PCDHGB2: variants seen among roughly 807,000 people sequenced by gnomAD.
PCDHGB2 encodes protocadherin gamma subfamily B, 2, also known as protocadherin gamma-B2.
PCDHGB2 carries 55 observed loss-of-function variants against 59.3 expected under a neutral mutation model. The observed-to-expected ratio is 0.93, with a 90% CI of 0.75 to 1.16. The LOEUF (loss-of-function observed/expected upper bound fraction) is 1.16. Ranked by LOEUF, PCDHGB2 falls within the 50% of genes most tolerant of loss-of-function variation. The pLI is 0.00. For missense variants in PCDHGB2, 1,228 were observed against 1,198.5 expected (o/e 1.02, Z -0.36); for synonymous variants, 516 against 512.0 (o/e 1.01, Z -0.11).
rs2099411033 is a variant in PCDHGB2, at chr5:141,477,423, C to T, written c.2422-17384C>T. ...ACCGCCCGAGACGCCGGAACCCCTT[C>T]CCTCTCAGCCCTTACAATAGTGCGT... On this transcript the variant is annotated intron_variant, in intron 1 of 3. Coordinates refer to ENST00000522605, the MANE Select transcript of PCDHGB2 (RefSeq NM_018923.3). This position sits in a 1 kb window ranked among gnomAD's most constrained non-coding sequence, Gnocchi z 4.9. 1.9e-6 allele frequency: 3 copies of T among 1,614,196 alleles called. No individual in the cohort carries two copies. The highest frequency in any genetic ancestry group is 2.2e-5 in the East Asian group (1 of 44,882).
chr5:141,375,213 G>A (rs778646849), intron 1 of PCDHGB2: 9 of 1,613,810 alleles, frequency 5.6e-6, no homozygotes, highest in Non-Finnish European at 7.6e-6. Context: ...CGAGACTCTG[G>A]CCTGAATGGC....
intron 1 of PCDHGB2, chr5:141,365,975 A>T (rs1280013526): frequency 6.2e-7 from 1 of 1,614,108 alleles, no homozygotes; most frequent in Non-Finnish European, 8.5e-7. Context: ...CGTGTCGCTG[A>T]GCCTGTTTGT....
rs188768340 is a variant in PCDHGB2, at chr5:141,382,953, C to G, written c.2421+20397C>G. On this transcript the variant is annotated intron_variant, in intron 1 of 3. Transcript: ENST00000522605. ...ACAGAGGATTCTTCCTGCTCTCCAT[C>G]CTCCTGGGGACCCCCTGGGAAGCCT... 1,258 of 1,601,498 alleles carry G rather than the reference C, an allele frequency of 7.9e-4. 16 individuals carry two copies. In the African/African-American group the frequency reaches 0.015, roughly 19 times the overall value.
chr5:141,477,572 G>T lies in PCDHGB2; in HGVS notation c.2422-17235G>T, dbSNP rs375416133. The T allele has an allele frequency of 6.2e-7, 1 of 1,614,112 alleles. No homozygotes were observed. Among genetic ancestry groups the T allele is most frequent in the South Asian group, 1.1e-5 (1 of 91,072 alleles). ...AAACCTAAGTGTCTGGGACCCCGAC[G>T]CCCCGCAGAATGCTCGGCTTTCTTT... On this transcript the variant is annotated intron_variant, in intron 1 of 3. Transcript: ENST00000522605. The surrounding 1 kb of genome is among the most constrained non-coding windows in gnomAD (Gnocchi z 4.9).
intron 1 of PCDHGB2, among the ~76,000 whole-genome samples, chr5:141,483,638 G>A (rs1159840764): frequency 1.4e-5 from 2 of 147,222 alleles, no homozygotes; most frequent in South Asian, 2.1e-4. Flanking sequence ...AGGTATAGAG[G>A]GGTGTGTGTT....
At position 141,477,460 on chromosome 5, in the gene PCDHGB2, C is replaced by T; in HGVS notation, c.2422-17347C>T. 6.2e-7 allele frequency: 1 copy of T among 1,614,132 alleles called. No individual in the cohort carries two copies. Among genetic ancestry groups the T allele is most frequent in the Non-Finnish European group, 8.5e-7 (1 of 1,180,020 alleles). On this transcript the variant is annotated intron_variant, in intron 1 of 3. Transcript: ENST00000522605. The surrounding 1 kb of genome is among the most constrained non-coding windows in gnomAD (Gnocchi z 4.9). ...TTACAATAGTGCGTGTTCAAGTGTC[C>T]GACATCAATGACAACCCTCCACAAT...
chr5:141,432,663 G>A lies in PCDHGB2; in HGVS notation c.2422-62144G>A. ...CGCACGGCGCGAGCCCTGCTGGACA[G>A]AGACGCGCTCAAGCAGAGCCTCGTA... On this transcript the variant is annotated intron_variant, in intron 1 of 3. Coordinates refer to ENST00000522605, the MANE Select transcript of PCDHGB2 (RefSeq NM_018923.3). This position sits in a 1 kb window ranked among gnomAD's most constrained non-coding sequence, Gnocchi z 6.0. 1 of 1,613,886 alleles carries A rather than the reference G, an allele frequency of 6.2e-7. No individual in the cohort carries two copies. Among genetic ancestry groups the A allele is most frequent in the Non-Finnish European group, 8.5e-7 (1 of 1,179,952 alleles).
intron 1 of PCDHGB2, among the ~76,000 whole-genome samples, chr5:141,430,204 AATT>A (rs1179966513): frequency 6.6e-6 from 1 of 151,962 alleles, no homozygotes; most frequent in African/African-American, 2.4e-5. Context: ...AGAAAGTTTA[AATT>A]ATTATATTAT....
chr5:141,456,275 G>A (rs1234663731), intron 1 of PCDHGB2, among the ~76,000 whole-genome samples: 1 of 152,142 alleles, frequency 6.6e-6, no homozygotes, highest in Non-Finnish European at 1.5e-5. Flanking sequence ...GCTACTTCCT[G>A]CTGAAAAGGG....
At chr5:141,445,086 A>T (rs190267063) in intron 1 of PCDHGB2, among the ~76,000 whole-genome samples, 163 of 152,322 alleles carry the variant, frequency 1.1e-3, no homozygotes, top group African/African-American at 3.6e-3. Flanking sequence ...TTGTCCCTAC[A>T]TATTTGATGT....
intron 2 of PCDHGB2, among the ~76,000 whole-genome samples, chr5:141,500,182 A>T (rs1050067271): frequency 4.6e-5 from 6 of 131,718 alleles, no homozygotes; most frequent in African/African-American, 1.9e-4. Context: ...CTTCATTTTT[A>T]TTTTTATTTA....
At chr5:141,423,090 G>A in intron 1 of PCDHGB2, 2 of 1,614,022 alleles carry the variant, frequency 1.2e-6, no homozygotes, top group Non-Finnish European at 1.7e-6. Flanking sequence ...TCGCGGTGGG[G>A]GAGCACACGG....
intron 2 of PCDHGB2, among the ~76,000 whole-genome samples, chr5:141,500,666 G>A (rs567881941): frequency 3.6e-4 from 55 of 152,250 alleles, no homozygotes; most frequent in African/African-American, 1.3e-3. Context: ...AGGCCATACT[G>A]TCCAACAGAA....
At chr5:141,384,862 T>A in intron 1 of PCDHGB2, 1 of 1,613,686 alleles carries the variant, frequency 6.2e-7, no homozygotes, top group Non-Finnish European at 8.5e-7. Context: ...GCCTCCTCTG[T>A]CAGCCACCGT....
At chr5:141,365,333 G>A in intron 1 of PCDHGB2, 2 of 1,613,942 alleles carry the variant, frequency 1.2e-6, no homozygotes, top group East Asian at 2.2e-5. Flanking sequence ...TAAGGTGGTG[G>A]TCACAGTACA....
intron 1 of PCDHGB2, chr5:141,408,974 G>A (rs899313364): frequency 6.2e-7 from 1 of 1,613,808 alleles, no homozygotes; most frequent in South Asian, 1.1e-5. Context: ...TCTGCCCCCT[G>A]GGTCCCCTGT....
intron 1 of PCDHGB2, chr5:141,478,676 G>A (rs540780497): frequency 6.4e-7 from 1 of 1,551,522 alleles, no homozygotes; most frequent in African/African-American, 1.4e-5. Flanking sequence ...CTTTCAACTG[G>A]CCCTTCCTAG....
chr5:141,383,635 C>G (rs1226106296), intron 1 of PCDHGB2: 6 of 1,613,966 alleles, frequency 3.7e-6, no homozygotes, highest in Non-Finnish European at 5.1e-6. Context: ...CTCTCTGCCT[C>G]AGTACCAAGT....
At chr5:141,393,399 C>A in intron 1 of PCDHGB2, 2 of 1,614,028 alleles carry the variant, frequency 1.2e-6, no homozygotes, top group Non-Finnish European at 1.7e-6. Context: ...AGAGCTGGTG[C>A]TGGAGCGCGC....
Sources: gnomAD v4.1 joint callset for allele counts (sites outside exome capture counted in the v4.1 genomes callset) on GRCh38, gnomAD v4.1.1 for gene constraint, Gnocchi (gnomAD v3.1) non-coding constraint, MANE v1.5 for transcripts, NCBI Gene and HGNC (gene_info 2026-07-23, HGNC 2026-07-21) for gene names.